LRRC28: variants seen among roughly 807,000 people sequenced by gnomAD.
LRRC28 encodes the protein leucine rich repeat containing 28, also known as leucine-rich repeat-containing protein 28.
In LRRC28, 39 loss-of-function variants were observed where a neutral mutation model predicts 45.7. The observed-to-expected ratio is 0.85, with a 90% CI of 0.66 to 1.12. LRRC28 has a LOEUF of 1.12. LRRC28 is among the 50% of genes most tolerant of loss of function. The probability of loss-of-function intolerance (pLI) is 0.00; values close to 1 mark genes in which losing one functional copy is unlikely to be tolerated. For missense variants in LRRC28, 435 were observed against 438.5 expected, an observed-to-expected ratio of 0.99 and a Z score of 0.07; for synonymous variants, 206 against 178.8, an observed-to-expected ratio of 1.15 and a Z score of -1.22.
intron 5 of LRRC28, among the ~76,000 whole-genome samples, chr15:99,323,494 C>T (rs1291040161): frequency 6.6e-6 from 1 of 152,106 alleles, no homozygotes; most frequent in Non-Finnish European, 1.5e-5. Flanking sequence ...GAATGCTGTT[C>T]TTAGCCTTAA....
At chr15:99,333,240 T>C (rs1956214182) in intron 5 of LRRC28, among the ~76,000 whole-genome samples, 1 of 152,220 alleles carries the variant, frequency 6.6e-6, no homozygotes, top group South Asian at 2.1e-4. Context: ...AGATGACAAC[T>C]GTAGACATCA....
At chr15:99,348,873 G>A (rs994106173) in intron 6 of LRRC28, among the ~76,000 whole-genome samples, 12 of 151,646 alleles carry the variant, frequency 7.9e-5, no homozygotes, top group Admixed American at 7.9e-4. Flanking sequence ...GGGTAGTTTG[G>A]ACATTTTGAC....
intron 2 of LRRC28, chr15:99,259,882 G>C (rs1421359666): frequency 1.3e-6 from 1 of 761,998 alleles, no homozygotes; most frequent in Admixed American, 1.8e-5. Flanking sequence ...CTGATGCAAA[G>C]GTGGAAGAAC....
chr15:99,335,548 C>G (rs1956294220), intron 6 of LRRC28, among the ~76,000 whole-genome samples: 1 of 151,988 alleles, frequency 6.6e-6, no homozygotes, highest in South Asian at 2.1e-4. Flanking sequence ...TCCCAGCTAC[C>G]CAGGAGGCTG....
intron 6 of LRRC28, among the ~76,000 whole-genome samples, chr15:99,350,229 G>A (rs565089421): frequency 6.6e-6 from 1 of 152,014 alleles, no homozygotes; most frequent in Non-Finnish European, 1.5e-5. Flanking sequence ...ATTTAAAAAC[G>A]TGATGTTTTG....
intron 5 of LRRC28, among the ~76,000 whole-genome samples, chr15:99,328,749 A>C (rs1956065672): frequency 6.7e-6 from 1 of 149,864 alleles, no homozygotes; most frequent in South Asian, 2.1e-4. Context: ...GTCTCAGAGA[A>C]GGGACAGCCT....
At chr15:99,297,390 G>C (rs149747245) in intron 5 of LRRC28, 1 of 151,222 alleles carries the variant, frequency 6.6e-6, no homozygotes, top group Non-Finnish European at 1.5e-5. Flanking sequence ...TGGGACTATG[G>C]GCATGTACCA....
chr15:99,316,414 G>A (rs1955595369), intron 5 of LRRC28, among the ~76,000 whole-genome samples: 1 of 152,048 alleles, frequency 6.6e-6, no homozygotes. Flanking sequence ...AATTTGTGTG[G>A]TAGAAACCAC....
At chr15:99,287,983 T>A (rs749828232) in intron 5 of LRRC28, 32 bp downstream of exon 5, 1 of 1,567,884 alleles carries the variant, frequency 6.4e-7, no homozygotes, top group African/African-American at 1.4e-5. Context: ...CTATAGTTTC[T>A]TGTCTATTAT....
intron 2 of LRRC28, among the ~76,000 whole-genome samples, chr15:99,263,154 C>CA (rs68042511): frequency 0.084 from 11,177 of 133,836 alleles, 471 homozygotes; most frequent in African/African-American, 0.11. Flanking sequence ...ATAAAAAATA[C>CA]AAAAAAAAAA....
At chr15:99,262,112 C>CA (rs1032299868) in intron 2 of LRRC28, among the ~76,000 whole-genome samples, 6 of 151,962 alleles carry the variant, frequency 3.9e-5, no homozygotes, top group Non-Finnish European at 8.8e-5. Flanking sequence ...TTTTTAATAA[C>CA]AAAAAATCAT....
At chr15:99,360,906 G>C (rs966763858) in intron 7 of LRRC28, 1 of 152,824 alleles carries the variant, frequency 6.5e-6, no homozygotes, top group East Asian at 1.9e-4. Context: ...TGCTTTGTGG[G>C]TTTAAGTTTT....
intron 2 of LRRC28, 54 bp from the exon 3 acceptor site, chr15:99,276,522 A>G: frequency 7.2e-7 from 1 of 1,392,294 alleles, no homozygotes; most frequent in Non-Finnish European, 9.8e-7. Flanking sequence ...ACAAATTAGA[A>G]ATGTTTAGAC....
intron 9 of LRRC28, among the ~76,000 whole-genome samples, chr15:99,364,468 A>G (rs185916061): frequency 6.6e-6 from 1 of 152,330 alleles, no homozygotes; most frequent in Admixed American, 6.5e-5. Flanking sequence ...CCCTCCTCCA[A>G]ATCTTTCTAA....
At chr15:99,337,325 T>A (rs1186537566) in intron 6 of LRRC28, among the ~76,000 whole-genome samples, 2 of 152,256 alleles carry the variant, frequency 1.3e-5, no homozygotes, top group Non-Finnish European at 2.9e-5. Context: ...TCATGCTGAA[T>A]GCTTGCAGCA....
rs1957188627 is a variant in LRRC28 at position 99,361,149 on chromosome 15, T to A, written c.696-187T>A. 1.0e-5 allele frequency: 6 copies of A among 584,002 alleles called. 1 individual carries two copies. In the South Asian group the frequency reaches 1.6e-4, roughly 16 times the overall value. The allele number at this position is 584,002 out of a possible 1,614,324, so 36.2% of individuals were successfully genotyped here. A position where few individuals can be genotyped will look rare whatever the true frequency, so the allele number is the denominator to read the frequency against. ...AATGATTTAGCTGAGTTCCAACTGA[T>A]GAGTTTAGATTGCTGGGCCAGGTTT... On this transcript the variant is annotated intron_variant, in intron 7 of 9. Transcript: ENST00000301981.
chr15:99,358,724 A>C (rs112440590), intron 7 of LRRC28, among the ~76,000 whole-genome samples: 1 of 142,066 alleles, frequency 7.0e-6, no homozygotes, highest in Non-Finnish European at 1.6e-5. Context: ...TTCCATTTGG[A>C]AAAAAAAAGC....
chr15:99,343,001 G>C (rs1010864228), intron 6 of LRRC28, among the ~76,000 whole-genome samples: 11 of 151,944 alleles, frequency 7.2e-5, no homozygotes, highest in African/African-American at 2.2e-4. Flanking sequence ...GCATCATGTA[G>C]GTAATTTAAA....
At chr15:99,348,849 C>T (rs1221443576) in intron 6 of LRRC28, among the ~76,000 whole-genome samples, 4 of 150,456 alleles carry the variant, frequency 2.7e-5, no homozygotes, top group African/African-American at 9.8e-5. Context: ...TATATTAAAT[C>T]TGTATATTGC....
Sources: allele counts gnomAD v4.1 joint callset (sites outside exome capture counted in the v4.1 genomes callset), GRCh38; gene constraint gnomAD v4.1.1; transcripts MANE v1.5; gene names NCBI Gene and HGNC (gene_info 2026-07-23, HGNC 2026-07-21).